FAM193A: variants seen among roughly 807,000 people sequenced by gnomAD.
FAM193A encodes protein FAM193A.
FAM193A carries 22 observed loss-of-function variants against 126.5 expected under a neutral mutation model. The ratio of observed to expected loss-of-function variants is 0.17; its 90% CI spans 0.12 to 0.25. The LOEUF is 0.25. Among genes scored for constraint, FAM193A ranks in the 10% least tolerant of loss-of-function variants. FAM193A has a pLI of 1.00. For missense variants in FAM193A, 1,675 were observed against 1,672.8 expected (o/e 1.00, Z -0.02); for synonymous variants, 761 against 646.8 (o/e 1.18, Z -2.68).
intron 2 of FAM193A, among the ~76,000 whole-genome samples, chr4:2,624,043 T>C (rs1379476509): frequency 6.6e-6 from 1 of 152,094 alleles, no homozygotes; most frequent in Non-Finnish European, 1.5e-5. Flanking sequence ...CAGGGCCTCT[T>C]CTAGAAGGAG....
In FAM193A at chr4:2,669,214, G is replaced by A. The variant is rs538483244; in HGVS notation, c.2080-2907G>A. On this transcript the variant is annotated intron_variant, in intron 12 of 20. Transcript: ENST00000637812. ...GGCATTCTTCATTTTAAATTCTGCC[G>A]AATTTAAGTTACCGTCTTGTTTTTA... 1.8e-3 allele frequency among the ~76,000 whole-genome samples: 268 copies of A among 152,252 alleles called. 1 individual carries two copies. Among genetic ancestry groups the A allele is most frequent in the Non-Finnish European group, 3.2e-3 (215 of 68,018 alleles).
At chr4:2,651,624 A>T (rs552170823) in intron 7 of FAM193A, among the ~76,000 whole-genome samples, 1 of 152,196 alleles carries the variant, frequency 6.6e-6, no homozygotes, top group Non-Finnish European at 1.5e-5. Flanking sequence ...TCCTCCCCTG[A>T]CATGTGGGGA....
At chr4:2,605,170 T>TG (rs1000494587) in intron 2 of FAM193A, among the ~76,000 whole-genome samples, 5 of 152,062 alleles carry the variant, frequency 3.3e-5, no homozygotes, top group Non-Finnish European at 5.9e-5. Flanking sequence ...TTAATATATG[T>TG]GGGGTAATTT....
Position 2,693,804 on chromosome 4 carries a change from A to G in FAM193A, c.3022A>G (p.Lys1008Glu). The change falls in exon 16 of 21, where the codon AAG becomes GAG. Residue 1008 changes from lysine (K) to glutamate (E), a missense_variant. Physicochemically the swap from Lys to Glu is moderately conservative, Grantham distance 56. Coordinates refer to ENST00000637812, the MANE Select transcript of FAM193A (RefSeq NM_001366318.2). ...TTTPGFVDTRKSFCPAPLPPA... is the reference protein window; with the variant it reads ...TTTPGFVDTRESFCPAPLPPA... ...AACTCCTGGGTTTGTGGACACACGCAAGAGTTTCTGTCCTGCACCCCTACC... is the reference window on the plus strand; with the variant it reads ...AACTCCTGGGTTTGTGGACACACGCGAGAGTTTCTGTCCTGCACCCCTACC... 2.5e-6 allele frequency: 4 copies of G among 1,614,232 alleles called. No individual in the cohort carries two copies. Among genetic ancestry groups the G allele is most frequent in the Non-Finnish European group, 3.4e-6 (4 of 1,180,038 alleles).
intron 20 of FAM193A, among the ~76,000 whole-genome samples, chr4:2,717,585 G>T (rs1462622147): frequency 7.4e-6 from 1 of 134,522 alleles, no homozygotes; most frequent in East Asian, 2.2e-4. Context: ...AACAGAGAGA[G>T]ACTTTGTCTC....
intron 19 of FAM193A, chr4:2,708,288 G>A (rs570039015): frequency 2.8e-6 from 1 of 352,520 alleles, no homozygotes; most frequent in South Asian, 2.0e-5. Flanking sequence ...ACCATGCCCA[G>A]CTAATTTTTT....
chr4:2,607,351 C>T (rs1211763467), intron 2 of FAM193A, among the ~76,000 whole-genome samples: 1 of 152,204 alleles, frequency 6.6e-6, no homozygotes, highest in Non-Finnish European at 1.5e-5. Context: ...GTGTTTCACT[C>T]TTTTCCCCAC....
chr4:2,549,386 TC>T (rs1254573767), intron 1 of FAM193A, among the ~76,000 whole-genome samples: 1 of 147,940 alleles, frequency 6.8e-6, no homozygotes, highest in East Asian at 1.9e-4. Context: ...CTCTATGTTT[TC>T]TTTTTTTCTT....
chr4:2,660,136 G>C lies in FAM193A; in HGVS notation c.1745+82G>C, dbSNP rs980097819. 3.6e-6 allele frequency: 5 copies of C among 1,402,296 alleles called. No individual in the cohort carries two copies. The African/African-American group carries it at 5.7e-5, about 16-fold the overall frequency. 86.9% of individuals were successfully genotyped at this position (1,402,296 alleles called of 1,614,324 possible). A position where few individuals can be genotyped will look rare whatever the true frequency, so the allele number is the denominator to read the frequency against. On this transcript the variant is annotated intron_variant, in intron 10 of 20. Transcript: ENST00000637812. ...AATACATACAGTAATGTCCACAGAA[G>C]TATGAACATCATTATTGTGCTTTTC...
chr4:2,725,323 T>C (rs1002917558), intron 20 of FAM193A, among the ~76,000 whole-genome samples: 2 of 151,744 alleles, frequency 1.3e-5, no homozygotes, highest in Non-Finnish European at 2.9e-5. Context: ...CACACTACTG[T>C]AGTAGTTCCA....
intron 7 of FAM193A, chr4:2,654,865 C>T: frequency 2.3e-6 from 1 of 431,350 alleles, no homozygotes; most frequent in Non-Finnish European, 4.2e-6. Context: ...GTGTTTAAAG[C>T]ATTCATGCTG....
chr4:2,678,484 T>G (rs996336680), intron 13 of FAM193A, among the ~76,000 whole-genome samples: 3 of 149,866 alleles, frequency 2.0e-5, no homozygotes, highest in Non-Finnish European at 3.0e-5. Flanking sequence ...TGCCTCAGCC[T>G]CCTGAGTAGC....
At position 2,711,747 on chromosome 4, in the gene FAM193A, G is replaced by A. The variant is rs370999124; in HGVS notation, c.4373-4276G>A. On this transcript the variant is annotated intron_variant, in intron 19 of 20. Coordinates refer to ENST00000637812, the MANE Select transcript of FAM193A (RefSeq NM_001366318.2). The stretch of plus-strand genomic sequence containing the variant: ...GCAGATCACTTGAGGTCAGGAGTTC[G>A]GAAACCCTGTATCTACTAAAAATAC... Among the ~76,000 whole-genome samples the A allele has an allele frequency of 4.6e-5, 7 of 151,724 alleles. 1 individual carries two copies. In the East Asian group the frequency reaches 1.4e-3, roughly 30 times the overall value.
intron 20 of FAM193A, among the ~76,000 whole-genome samples, chr4:2,717,424 C>T (rs1719662199): frequency 6.6e-6 from 1 of 151,892 alleles, no homozygotes. Flanking sequence ...GGTGAAACCC[C>T]GTCTCTACTA....
At position 2,550,949 on chromosome 4, in the gene FAM193A, C is replaced by T. The variant is rs535130147; in HGVS notation, c.255+13779C>T. ...CCAAGTAGCTGGGACTGCAGGCGTC[C>T]GCCACCACACCTGGGTAATTTTTTA... On this transcript the variant is annotated intron_variant, in intron 1 of 20. Transcript: ENST00000637812. Among the ~76,000 whole-genome samples the T allele has an allele frequency of 9.3e-4, 141 of 151,866 alleles. 1 individual carries two copies. The highest frequency in any genetic ancestry group is 1.8e-3 in the Admixed American group (27 of 15,202).
chr4:2,693,628 C>G lies in FAM193A; in HGVS notation c.2846C>G (p.Ser949Trp), dbSNP rs567025505. The G allele has an allele frequency of 6.2e-7, 1 of 1,613,928 alleles. No homozygotes were observed. The highest frequency in any genetic ancestry group is 1.3e-5 in the African/African-American group (1 of 74,940). The change falls in exon 16 of 21, where the codon TCG (serine) becomes TGG (tryptophan). Residue 949 changes from serine (S) to tryptophan (W), a missense_variant. By Grantham distance (177) the Ser-to-Trp change is radical (BLOSUM62 -3). Transcript: ENST00000637812. ...ATCAGCAAGGAGGACCACAGACACTCGGCCCCAGCCGCCCCGAGGAATAGC... is the reference window on the plus strand; with the variant it reads ...ATCAGCAAGGAGGACCACAGACACTGGGCCCCAGCCGCCCCGAGGAATAGC... ...HGISKEDHRH[S>W]APAAPRNSPT...
chr4:2,716,117 G>T lies in FAM193A; in HGVS notation c.4454+13G>T, dbSNP rs942868912. ...AATATTTCAAAAGGTAAATGTGGAG[G>T]CTGTGTCTGAAACCGTGGTGACTGT... On this transcript the variant is annotated intron_variant, in intron 20 of 20. Transcript: ENST00000637812. 1 of 1,545,244 alleles carries T rather than the reference G, an allele frequency of 6.5e-7. No individual in the cohort carries two copies. Among genetic ancestry groups the T allele is most frequent in the South Asian group, 1.1e-5 (1 of 89,722 alleles).
chr4:2,559,928 C>T (rs914258441), intron 1 of FAM193A, among the ~76,000 whole-genome samples: 10 of 151,920 alleles, frequency 6.6e-5, no homozygotes, highest in Admixed American at 5.3e-4. Context: ...CTTGCCTCTG[C>T]GCCTTTGTGC....
intron 19 of FAM193A, among the ~76,000 whole-genome samples, chr4:2,712,136 C>G (rs1330885482): frequency 6.6e-6 from 1 of 152,020 alleles, no homozygotes; most frequent in African/African-American, 2.4e-5. Flanking sequence ...GTAACTCCTC[C>G]ATGTGTACTT....
Sources: gnomAD v4.1 joint callset for allele counts (sites outside exome capture counted in the v4.1 genomes callset) on GRCh38, gnomAD v4.1.1 for gene constraint, MANE v1.5 for transcripts, NCBI Gene and HGNC (gene_info 2026-07-23, HGNC 2026-07-21) for gene names.